The following FBXL4 variants were observed in gnomAD, a reference collection of about 807,000 sequenced individuals.
FBXL4 encodes F-box and leucine rich repeat protein 4.
Under a neutral mutation model 58.9 loss-of-function variants are expected in FBXL4, and 40 were observed. The observed-to-expected ratio is 0.68, with a 90% CI of 0.53 to 0.88. The LOEUF (loss-of-function observed/expected upper bound fraction) is 0.88, where lower values mean the gene tolerates loss of function less well. FBXL4 is among the 40% of genes least tolerant of loss of function. The pLI is 0.00. For missense variants in FBXL4, 676 were observed against 734.4 expected (o/e 0.92, Z 0.92); for synonymous variants, 263 against 265.5 (o/e 0.99, Z 0.09).
At chr6:98,939,032 T>C (rs1423555972) in intron 1 of FBXL4, among the ~76,000 whole-genome samples, 1 of 129,944 alleles carries the variant, frequency 7.7e-6, no homozygotes, top group Non-Finnish European at 1.5e-5. Context: ...GCTGTGATCA[T>C]GCCATTGCAC....
chr6:98,917,724 C>CA lies in FBXL4; in HGVS notation c.513-6dup, dbSNP rs1419288790. 1.3e-6 allele frequency: 2 copies of CA among 1,548,992 alleles called. No individual in the cohort carries two copies. Among genetic ancestry groups the CA allele is most frequent in the African/African-American group, 2.8e-5 (2 of 71,998 alleles). On this transcript the variant is annotated splice_polypyrimidine_tract_variant and splice_region_variant and intron_variant, in intron 4 of 9. Coordinates refer to ENST00000369244, the MANE Select transcript of FBXL4 (RefSeq NM_001278716.2). ...TCTGACCAAAGAATCTCCCATCTGC[C>CA]AAAAAAAGAAACTTCCCTATAATAC...
rs1309461463 is a variant in FBXL4 at position 98,917,536 on chromosome 6, T to C, written c.696A>G (p.Pro232=). 1 of 1,614,078 alleles carries C rather than the reference T, an allele frequency of 6.2e-7. No individual in the cohort carries two copies. Among genetic ancestry groups the C allele is most frequent in the East Asian group, 2.2e-5 (1 of 44,868 alleles). The part of the protein sequence containing the change: ...AVVLHGVKDK[P]VLSLKTSLID... ...TAAGTGAAGTCTTGAGAGAAAGCAC[T>C]GGCTTGTCCTTCACACCATGTAGCA... Residue 232 remains proline, a synonymous_variant, in exon 5 of 10, where the codon CCA becomes CCG. Coordinates refer to ENST00000369244, the MANE Select transcript of FBXL4 (RefSeq NM_001278716.2).
At chr6:98,914,618 A>C (rs199777546) in intron 5 of FBXL4, among the ~76,000 whole-genome samples, 2 of 152,140 alleles carry the variant, frequency 1.3e-5, no homozygotes, top group Non-Finnish European at 2.9e-5. Flanking sequence ...AAATTCAACA[A>C]CGCTTCATGC....
At chr6:98,881,417 G>A (rs1055524392) in intron 7 of FBXL4, among the ~76,000 whole-genome samples, 8 of 151,820 alleles carry the variant, frequency 5.3e-5, no homozygotes, top group African/African-American at 1.9e-4. Flanking sequence ...ATCAATTAAG[G>A]AGAAAACTAT....
At chr6:98,925,122 GAAATATA>G (rs1562244362) in intron 4 of FBXL4, among the ~76,000 whole-genome samples, 1 of 152,102 alleles carries the variant, frequency 6.6e-6, no homozygotes, top group Non-Finnish European at 1.5e-5. Flanking sequence ...AAAGGAAAAA[GAAATATA>G]AATGGCTTTT....
intron 8 of FBXL4, among the ~76,000 whole-genome samples, chr6:98,876,293 G>A (rs1314753509): frequency 6.6e-6 from 1 of 152,036 alleles, no homozygotes; most frequent in African/African-American, 2.4e-5. Context: ...AGTTATTGGA[G>A]GTGTCCAGTG....
Position 98,873,347 on chromosome 6 carries a change from T to C in FBXL4, c.*931A>G, listed in dbSNP as rs370966112. The C allele has an allele frequency of 1.4e-5, 2 of 148,070 alleles. No individual in the cohort carries two copies. The highest frequency in any genetic ancestry group is 3.9e-4 in the East Asian group (2 of 5,136). The allele number at this position is 148,070 out of a possible 1,614,324, so 9.2% of individuals were successfully genotyped here. ...ATGTGGATATATATTATCTATAATA[T>C]GTATATATAATGTGTATATATAATA... On this transcript the variant is annotated 3_prime_UTR_variant, in exon 10 of 10. Coordinates refer to ENST00000369244, the MANE Select transcript of FBXL4 (RefSeq NM_001278716.2).
rs371347504 is a variant in FBXL4 at position 98,899,325 on chromosome 6, G to A, written c.1260C>T (p.Asn420=). The A allele has an allele frequency of 6.8e-6, 11 of 1,613,882 alleles. No homozygotes were observed. Among genetic ancestry groups the A allele is most frequent in the East Asian group, 2.2e-5 (1 of 44,864 alleles). The change falls in exon 7 of 10, where the codon AAC becomes AAT. Residue 420 remains asparagine (N), a synonymous_variant. Transcript: ENST00000369244. ...SCDKLPPQAF[N]HIAKLCSLKR... is the part of the protein sequence containing the mutation. Reference sequence around the variant, plus strand: ...TAAGGCTGCATAACTTGGCAATGTGGTTGAAAGCTTGAGGTGGTAGCTTAT... The same window carrying A: ...TAAGGCTGCATAACTTGGCAATGTGATTGAAAGCTTGAGGTGGTAGCTTAT...
chr6:98,922,453 G>C (rs747325707), intron 4 of FBXL4, among the ~76,000 whole-genome samples: 1 of 152,166 alleles, frequency 6.6e-6, no homozygotes, highest in Non-Finnish European at 1.5e-5. Flanking sequence ...TCCTAAGGGA[G>C]GGATATAAAA....
intron 1 of FBXL4, among the ~76,000 whole-genome samples, 194 bp from the exon 2 acceptor site, chr6:98,935,073 A>T (rs1380753187): frequency 6.6e-6 from 1 of 152,232 alleles, no homozygotes; most frequent in African/African-American, 2.4e-5. Context: ...TCAAGTAGGA[A>T]TGAATTTATC....
intron 1 of FBXL4, among the ~76,000 whole-genome samples, chr6:98,943,295 G>A (rs1034501656): frequency 4.6e-5 from 7 of 151,428 alleles, no homozygotes; most frequent in South Asian, 4.2e-4. Flanking sequence ...ATTCCAGGCC[G>A]GGCACAGTGG....
chr6:98,879,633 G>C (rs564452143), intron 8 of FBXL4, among the ~76,000 whole-genome samples: 5 of 151,856 alleles, frequency 3.3e-5, no homozygotes, highest in Non-Finnish European at 5.9e-5. Context: ...CTGTAATCCC[G>C]GCAATTTGGG....
At chr6:98,925,264 G>A (rs1284929669) in intron 4 of FBXL4, among the ~76,000 whole-genome samples, 2 of 152,054 alleles carry the variant, frequency 1.3e-5, no homozygotes, top group African/African-American at 4.8e-5. Context: ...TGTAGGCGAG[G>A]CTTTGGCAAA....
chr6:98,906,490 AG>A (rs1227467520), intron 5 of FBXL4, among the ~76,000 whole-genome samples: 1 of 152,158 alleles, frequency 6.6e-6, no homozygotes, highest in African/African-American at 2.4e-5. Flanking sequence ...GTCCCTGCAA[AG>A]GACATGAACT....
Position 98,906,312 on chromosome 6 carries a change from T to A in FBXL4, c.859-642A>T, listed in dbSNP as rs1582403366. Among the ~76,000 whole-genome samples, 3 of 152,144 alleles carry A rather than the reference T, an allele frequency of 2.0e-5. No homozygotes were observed. In the East Asian group the frequency reaches 5.8e-4, roughly 29 times the overall value. On this transcript the variant is annotated intron_variant, in intron 5 of 9. Coordinates refer to ENST00000369244, the MANE Select transcript of FBXL4 (RefSeq NM_001278716.2). Reference sequence around the variant, plus strand: ...CCTACATTAGGTATTTCTCCTAATGTTATCCCTCCCCTAGCCCCACCACCC... The same window carrying A: ...CCTACATTAGGTATTTCTCCTAATGATATCCCTCCCCTAGCCCCACCACCC...
intron 1 of FBXL4, among the ~76,000 whole-genome samples, chr6:98,938,030 C>G (rs1448574787): frequency 1.4e-5 from 2 of 144,210 alleles, no homozygotes; most frequent in Admixed American, 1.5e-4. Flanking sequence ...TCATCCTCCT[C>G]CCCCTGCACC....
At position 98,905,593 on chromosome 6, in the gene FBXL4, C is replaced by T. The variant is rs142814111; in HGVS notation, c.936G>A (p.Gln312=). The T allele has an allele frequency of 1.4e-5, 22 of 1,613,806 alleles. No individual in the cohort carries two copies. The African/African-American group carries it at 2.4e-4, about 18-fold the overall frequency. The change falls in exon 6 of 10, where the codon CAG becomes CAA. Residue 312 remains glutamine, a synonymous_variant. Coordinates refer to ENST00000369244, the MANE Select transcript of FBXL4 (RefSeq NM_001278716.2). ...RLAQTCKLLS[Q]HCCDPLQYIH... is the part of the protein sequence containing the mutation. The stretch of plus-strand genomic sequence containing the variant: ...TGTATTGCAGAGGATCACAGCAATG[C>T]TGGCTCAGTAGTTTGCAAGTCTGTG...
chr6:98,869,078 T>C lies in FBXL4; in HGVS notation c.*5200A>G, dbSNP rs1341803391. ...AAAATGATTCTAACAGTTATGGTTT[T>C]ACACTCACAGCCTAGGTTTCTAGTA... On this transcript the variant is annotated 3_prime_UTR_variant, in exon 10 of 10. Coordinates refer to ENST00000369244, the MANE Select transcript of FBXL4 (RefSeq NM_001278716.2). 5 of 152,226 alleles carry C rather than the reference T, an allele frequency of 3.3e-5. No individual in the cohort carries two copies. Among genetic ancestry groups the C allele is most frequent in the Non-Finnish European group, 7.3e-5 (5 of 68,034 alleles). The allele number at this position is 152,226 out of a possible 1,614,324, so 9.4% of individuals were successfully genotyped here.
chr6:98,901,218 G>A (rs1771598559), intron 6 of FBXL4, among the ~76,000 whole-genome samples: 2 of 152,128 alleles, frequency 1.3e-5, no homozygotes, highest in South Asian at 2.1e-4. Flanking sequence ...AGAGTAGTCA[G>A]AGAAGCTTCA....
Sources: gnomAD v4.1 joint callset for allele counts (sites outside exome capture counted in the v4.1 genomes callset) on GRCh38, gnomAD v4.1.1 for gene constraint, MANE v1.5 for transcripts, NCBI Gene and HGNC (gene_info 2026-07-23, HGNC 2026-07-21) for gene names.